The following GRIK2 variants were observed in gnomAD, a reference collection of about 807,000 sequenced individuals.
GRIK2 encodes the protein glutamate ionotropic receptor kainate type subunit 2, also known as glutamate receptor ionotropic, kainate 2.
In GRIK2, 32 loss-of-function variants were observed where a neutral mutation model predicts 100.3. That is an observed-to-expected ratio of 0.32 (90% CI 0.24 to 0.43). GRIK2 has a LOEUF of 0.43. Ranked by LOEUF, GRIK2 falls within the 20% of genes least tolerant of loss-of-function variation. The pLI, the probability that GRIK2 is intolerant of heterozygous loss-of-function variation, is 1.00. For missense variants in GRIK2, 843 were observed against 1,114.9 expected, an observed-to-expected ratio of 0.76 and a Z score of 3.47; for synonymous variants, 417 against 389.4, an observed-to-expected ratio of 1.07 and a Z score of -0.83.
intron 14 of GRIK2, among the ~76,000 whole-genome samples, chr6:102,015,666 G>T (rs1795798338): frequency 6.6e-6 from 1 of 152,290 alleles, no homozygotes; most frequent in Admixed American, 6.5e-5. Context: ...TGCTGCTGCT[G>T]CTACTGCTTC....
intron 2 of GRIK2, among the ~76,000 whole-genome samples, chr6:101,570,313 T>C (rs1278896498): frequency 6.6e-6 from 1 of 152,156 alleles, no homozygotes; most frequent in Non-Finnish European, 1.5e-5. Context: ...TTGAGCCTTC[T>C]GGCATTTAAT....
chr6:102,059,709 C>T (rs1403898298), intron 16 of GRIK2, among the ~76,000 whole-genome samples: 1 of 150,604 alleles, frequency 6.6e-6, no homozygotes, highest in Non-Finnish European at 1.5e-5. Flanking sequence ...TTCTGCATTT[C>T]TTAAATATTT....
At chr6:101,868,295 C>A (rs1785178439) in intron 11 of GRIK2, among the ~76,000 whole-genome samples, 1 of 149,586 alleles carries the variant, frequency 6.7e-6, no homozygotes, top group African/African-American at 2.5e-5. Context: ...ATCGCTCAAA[C>A]AAAATGTATG....
intron 2 of GRIK2, among the ~76,000 whole-genome samples, chr6:101,506,440 G>GT: frequency 6.6e-6 from 1 of 152,118 alleles, no homozygotes; most frequent in African/African-American, 2.4e-5. Flanking sequence ...AATTTAAATG[G>GT]TTTTTAAAAT....
At chr6:101,900,490 A>T (rs1349299718) in intron 12 of GRIK2, among the ~76,000 whole-genome samples, 1 of 152,180 alleles carries the variant, frequency 6.6e-6, no homozygotes, top group Non-Finnish European at 1.5e-5. Flanking sequence ...ATTTATTTTG[A>T]TATTTTAGTT....
intron 2 of GRIK2, among the ~76,000 whole-genome samples, chr6:101,486,339 G>A (rs12194713): frequency 0.051 from 6,952 of 135,574 alleles, 237 homozygotes; most frequent in Middle Eastern, 0.078. Flanking sequence ...AGATCAGCAT[G>A]TCTGTAGCCG....
At chr6:101,903,401 T>C (rs1788009858) in intron 12 of GRIK2, among the ~76,000 whole-genome samples, 1 of 151,854 alleles carries the variant, frequency 6.6e-6, no homozygotes, top group Non-Finnish European at 1.5e-5. Context: ...TCTGAAATTT[T>C]CTTTTTCCTT....
intron 2 of GRIK2, among the ~76,000 whole-genome samples, chr6:101,599,670 C>CT (rs536789189): frequency 6.6e-6 from 1 of 151,638 alleles, no homozygotes; most frequent in Non-Finnish European, 1.5e-5. Context: ...TGATATTGAG[C>CT]TTTTTTTCAT....
In GRIK2 at chr6:102,069,158, G is replaced by C. The variant is rs1772154177; in HGVS notation, c.*647G>C. The C allele has an allele frequency of 6.7e-6, 1 of 148,758 alleles. No homozygotes were observed. Among genetic ancestry groups the C allele is most frequent in the South Asian group, 2.1e-4 (1 of 4,780 alleles). The allele number at this position is 148,758 out of a possible 1,614,324, so 9.2% of individuals were successfully genotyped here. A position where few individuals can be genotyped will look rare whatever the true frequency, so the allele number is the denominator to read the frequency against. ...CTTATTTTTTTTTTTGACAGTCTGTGTCACTGATTGAGATAGAAATGCCAA... is the reference window on the plus strand; with the variant it reads ...CTTATTTTTTTTTTTGACAGTCTGTCTCACTGATTGAGATAGAAATGCCAA... On this transcript the variant is annotated 3_prime_UTR_variant, in exon 17 of 17. Coordinates refer to ENST00000369134, the MANE Select transcript of GRIK2 (RefSeq NM_021956.5).
intron 2 of GRIK2, among the ~76,000 whole-genome samples, chr6:101,421,637 C>T (rs1213014708): frequency 6.6e-6 from 1 of 151,558 alleles, no homozygotes; most frequent in Admixed American, 6.6e-5. Context: ...TTCATATTTT[C>T]TTAATTTTTT....
rs41285444 is a variant in GRIK2, at chr6:101,621,920, T to G, written c.116-29T>G. 3.8e-3 allele frequency: 5,711 copies of G among 1,503,736 alleles called. 31 individuals are homozygous for G. Among genetic ancestry groups the G allele is most frequent in the Non-Finnish European group, 3.7e-3 (4,012 of 1,082,998 alleles). The allele number at this position is 1,503,736 out of a possible 1,614,324, so 93.1% of individuals were successfully genotyped here. ...GAAAATTATGTTTATTCTTGTAAAA[T>G]TTATGATTTTTCTCTTTCTTTTTGC... On this transcript the variant is annotated intron_variant, in intron 2 of 16. Transcript: ENST00000369134.
chr6:101,513,232 G>A (rs1774410171), intron 2 of GRIK2, among the ~76,000 whole-genome samples: 1 of 152,046 alleles, frequency 6.6e-6, no homozygotes, highest in African/African-American at 2.4e-5. Context: ...GGGTGTGAGA[G>A]GTTCCAGGCT....
intron 7 of GRIK2, among the ~76,000 whole-genome samples, chr6:101,796,769 CT>C (rs1321718078): frequency 6.6e-6 from 1 of 152,154 alleles, no homozygotes; most frequent in Non-Finnish European, 1.5e-5. Context: ...TGGGCTCAAA[CT>C]TCAGGGCTCA....
rs1319645371 is a variant in GRIK2 at position 101,626,463 on chromosome 6, A to G, written c.367A>G (p.Asn123Asp). The G allele has an allele frequency of 4.3e-6, 7 of 1,613,950 alleles. No homozygotes were observed. The highest frequency in any genetic ancestry group is 5.9e-6 in the Non-Finnish European group (7 of 1,179,908). Residue 123 changes from asparagine (N) to aspartate (D), a missense_variant, in exon 4 of 17, where the codon AAT (asparagine) becomes GAT (aspartate). By Grantham distance (23) the Asn-to-Asp change is conservative (BLOSUM62 1). Coordinates refer to ENST00000369134, the MANE Select transcript of GRIK2 (RefSeq NM_021956.5). ...SSANAVQSIC[N>D]ALGVPHIQTR... ...AGCAAACGCAGTGCAGTCCATCTGC[A>G]ATGCTCTGGGAGTTCCCCACATACA...
chr6:101,564,919 G>C (rs1777181891), intron 2 of GRIK2, among the ~76,000 whole-genome samples: 1 of 152,082 alleles, frequency 6.6e-6, no homozygotes, highest in Non-Finnish European at 1.5e-5. Context: ...TGTAGGGTGA[G>C]GGAATGGAGC....
intron 2 of GRIK2, among the ~76,000 whole-genome samples, chr6:101,588,383 G>A (rs1213584752): frequency 6.6e-6 from 1 of 152,188 alleles, no homozygotes; most frequent in Admixed American, 6.5e-5. Flanking sequence ...GGTGTGCAGG[G>A]GCGGGGAGGA....
chr6:101,751,757 G>T (rs967740727), intron 7 of GRIK2, among the ~76,000 whole-genome samples: 8 of 152,116 alleles, frequency 5.3e-5, no homozygotes, highest in Non-Finnish European at 1.5e-5. Context: ...TCTGTAAATT[G>T]GTGGTTGGTT....
At chr6:101,628,699 T>G (rs1780571986) in intron 4 of GRIK2, among the ~76,000 whole-genome samples, 1 of 152,130 alleles carries the variant, frequency 6.6e-6, no homozygotes, top group Non-Finnish European at 1.5e-5. Flanking sequence ...GATTGTTTAC[T>G]TCTCCATTCC....
intron 14 of GRIK2, among the ~76,000 whole-genome samples, chr6:101,939,657 G>T (rs532386864): frequency 6.6e-6 from 1 of 152,058 alleles, no homozygotes; most frequent in Admixed American, 6.6e-5. Context: ...CTTTTAAAAC[G>T]GATTTTATTA....
Sources: gnomAD v4.1 joint callset for allele counts (sites outside exome capture counted in the v4.1 genomes callset) on GRCh38, gnomAD v4.1.1 for gene constraint, MANE v1.5 for transcripts, NCBI Gene and HGNC (gene_info 2026-07-23, HGNC 2026-07-21) for gene names.